PGAP1: variants seen among roughly 807,000 people sequenced by gnomAD.
PGAP1 encodes the protein post-GPI attachment to proteins inositol deacylase 1.
In PGAP1, 76 loss-of-function variants were observed where a neutral mutation model predicts 127.0. That is an observed-to-expected ratio of 0.60 (90% confidence interval 0.50 to 0.72). The LOEUF is 0.72. Ranked by LOEUF, PGAP1 falls within the 30% of genes least tolerant of loss-of-function variation. PGAP1 has a pLI of 0.00. For synonymous variants in PGAP1, 362 were observed against 366.5 expected (o/e 0.99, Z 0.14); for missense variants, 982 against 1,071.3 (o/e 0.92, Z 1.16).
rs755713599 is a variant in PGAP1 at position 196,913,026 on chromosome 2, C to T, written c.505G>A (p.Ala169Thr). ...CCACCCATAGAATGACCAATTATTG[C>T]CACACTTTTTGGAGCAAATTCTTGA... ...KGQEFAPKSV[A>T]IIGHSMGGLV... The change falls in exon 4 of 27, where the codon GCA becomes ACA. Residue 169 changes from alanine (A) to threonine (T), a missense_variant. Coordinates refer to ENST00000354764, the MANE Select transcript of PGAP1 (RefSeq NM_024989.4). 2.5e-6 allele frequency: 4 copies of T among 1,609,356 alleles called. No homozygotes were observed. The highest frequency in any genetic ancestry group is 3.4e-6 in the Non-Finnish European group (4 of 1,177,916).
At chr2:196,915,145 ACT>A in intron 3 of PGAP1, among the ~76,000 whole-genome samples, 1 of 152,034 alleles carries the variant, frequency 6.6e-6, no homozygotes, top group South Asian at 2.1e-4. Context: ...TTGACAACAA[ACT>A]CTCCTGGTTC....
chr2:196,847,901 C>A, intron 21 of PGAP1, 46 bp downstream of exon 21: 4 of 1,313,384 alleles, frequency 3.0e-6, no homozygotes, highest in South Asian at 1.5e-5. Flanking sequence ...TATAATGTTA[C>A]ATGTAAAACA....
chr2:196,920,828 C>T (rs146199762), intron 1 of PGAP1, among the ~76,000 whole-genome samples: 17 of 152,190 alleles, frequency 1.1e-4, no homozygotes, highest in African/African-American at 4.1e-4. Context: ...AAACTTTAAA[C>T]TACCCTGCAC....
chr2:196,889,048 G>C (rs1490357026), intron 10 of PGAP1, among the ~76,000 whole-genome samples: 1 of 151,940 alleles, frequency 6.6e-6, no homozygotes, highest in Non-Finnish European at 1.5e-5. Context: ...AAATTGAAAA[G>C]ATTTTTTTAA....
At chr2:196,882,262 T>C (rs575953893) in intron 12 of PGAP1, among the ~76,000 whole-genome samples, 12 of 152,334 alleles carry the variant, frequency 7.9e-5, no homozygotes, top group Admixed American at 3.3e-4. Flanking sequence ...CCCTGCAGCA[T>C]AGTTTGAAGT....
chr2:196,842,441 C>T (rs1488484710), intron 26 of PGAP1, among the ~76,000 whole-genome samples: 1 of 151,974 alleles, frequency 6.6e-6, no homozygotes, highest in Non-Finnish European at 1.5e-5. Context: ...TTTATCTCAC[C>T]AATATCTCCA....
intron 4 of PGAP1, among the ~76,000 whole-genome samples, chr2:196,905,211 C>A (rs1455750045): frequency 6.6e-6 from 1 of 152,144 alleles, no homozygotes; most frequent in African/African-American, 2.4e-5. Context: ...CTAATTTAAT[C>A]TATACGGGTC....
At chr2:196,925,104 T>G (rs1703320282) in intron 1 of PGAP1, among the ~76,000 whole-genome samples, 1 of 149,828 alleles carries the variant, frequency 6.7e-6, no homozygotes, top group African/African-American at 2.5e-5. Context: ...CAGTAACATG[T>G]CAAAATCTTC....
intron 21 of PGAP1, 158 bp from the exon 22 acceptor site, chr2:196,847,358 C>A: frequency 1.9e-6 from 1 of 537,044 alleles, no homozygotes; most frequent in Non-Finnish European, 3.2e-6. Flanking sequence ...TTGTATGGAA[C>A]AAGTCATTTA....
intron 12 of PGAP1, among the ~76,000 whole-genome samples, chr2:196,881,009 T>A (rs1199643915): frequency 6.6e-6 from 1 of 152,174 alleles, no homozygotes; most frequent in African/African-American, 2.4e-5. Flanking sequence ...TTCCTGATTC[T>A]CTTCCTCCTC....
At position 196,865,035 on chromosome 2, in the gene PGAP1, T is replaced by C. The variant is rs765325574; in HGVS notation, c.1813A>G (p.Asn605Asp). Residue 605 changes from asparagine (N) to aspartate (D), a missense_variant, in exon 20 of 27, where the codon AAT becomes GAT. Coordinates refer to ENST00000354764, the MANE Select transcript of PGAP1 (RefSeq NM_024989.4). ...GGALPAYVVS[N>D]ILLAYRGQLY... Reference sequence around the variant, plus strand: ...TGTCCTCTATAAGCAAGAAGGATATTAGATACGACATAAGCAGGAAGAGCT... The same window carrying C: ...TGTCCTCTATAAGCAAGAAGGATATCAGATACGACATAAGCAGGAAGAGCT... 2.1e-5 allele frequency: 33 copies of C among 1,573,256 alleles called. 1 individual carries two copies. The highest frequency in any genetic ancestry group is 1.2e-5 in the South Asian group (1 of 81,702).
intron 1 of PGAP1, chr2:196,922,577 GAC>G (rs59881211): frequency 0.11 from 41,270 of 384,868 alleles, 931 homozygotes; most frequent in Non-Finnish European, 0.11. Context: ...CACACACACA[GAC>G]ACACACACAC....
At chr2:196,855,875 T>C (rs1248130313) in intron 20 of PGAP1, among the ~76,000 whole-genome samples, 1 of 152,192 alleles carries the variant, frequency 6.6e-6, no homozygotes, top group African/African-American at 2.4e-5. Context: ...AATGTTATAT[T>C]TGAGAAGATG....
chr2:196,884,654 T>C (rs865912845), intron 12 of PGAP1, among the ~76,000 whole-genome samples: 13 of 152,292 alleles, frequency 8.5e-5, no homozygotes, highest in Non-Finnish European at 1.5e-4. Flanking sequence ...CGTGAAATAA[T>C]TGGAAACCAC....
intron 19 of PGAP1, among the ~76,000 whole-genome samples, chr2:196,870,353 G>A (rs1701373303): frequency 4.0e-5 from 6 of 148,626 alleles, no homozygotes. Flanking sequence ...TTAGAGTGCA[G>A]TGGCACAATC....
chr2:196,860,553 C>T (rs943997377), intron 20 of PGAP1, among the ~76,000 whole-genome samples: 1 of 151,258 alleles, frequency 6.6e-6, no homozygotes. Flanking sequence ...AATAAACAAA[C>T]AAAAAACAAA....
At chr2:196,873,779 T>C (rs1301862272) in intron 14 of PGAP1, 21 bp from the exon 15 acceptor site, 3 of 1,512,130 alleles carry the variant, frequency 2.0e-6, no homozygotes, top group East Asian at 4.5e-5. Flanking sequence ...CAAAGTACTG[T>C]ATTACTTAGA....
chr2:196,849,261 A>ATTTTTTTT (rs747641877), intron 20 of PGAP1, among the ~76,000 whole-genome samples: 11 of 135,986 alleles, frequency 8.1e-5, no homozygotes, highest in African/African-American at 2.2e-4. Context: ...TGTCAGAATA[A>ATTTTTTTT]TTTTTTTTTT....
At chr2:196,854,992 T>C (rs1202855963) in intron 20 of PGAP1, among the ~76,000 whole-genome samples, 1 of 151,638 alleles carries the variant, frequency 6.6e-6, no homozygotes, top group Non-Finnish European at 1.5e-5. Context: ...CGGGGCCTCC[T>C]TGCCCAGGCT....
Sources: allele counts gnomAD v4.1 joint callset (sites outside exome capture counted in the v4.1 genomes callset), GRCh38; gene constraint gnomAD v4.1.1; transcripts MANE v1.5; gene names NCBI Gene and HGNC (gene_info 2026-07-23, HGNC 2026-07-21).